Variants in PCSK5 observed in about 807,000 individuals in gnomAD.
PCSK5 encodes prohormone convertase 5.
PCSK5 carries 129 observed loss-of-function variants against 233.2 expected under a neutral mutation model. The ratio of observed to expected loss-of-function variants is 0.55; its 90% CI spans 0.48 to 0.64. The LOEUF is 0.64. Among genes scored for constraint, PCSK5 ranks in the 30% least tolerant of loss-of-function variants. The probability of loss-of-function intolerance (pLI) is 0.00; values close to 1 mark genes in which losing one functional copy is unlikely to be tolerated. For synonymous variants in PCSK5, 825 were observed against 879.2 expected (o/e 0.94, Z 1.09); for missense variants, 2,076 against 2,430.1 (o/e 0.85, Z 3.06).
chr9:76,203,979 C>T (rs1465633231), intron 20 of PCSK5, among the ~76,000 whole-genome samples: 1 of 152,096 alleles, frequency 6.6e-6, no homozygotes, highest in African/African-American at 2.4e-5. Flanking sequence ...GATGGTAATC[C>T]TACCTCTCTT....
intron 24 of PCSK5, among the ~76,000 whole-genome samples, chr9:76,278,547 A>G (rs1827762995): frequency 6.6e-6 from 1 of 151,970 alleles, no homozygotes; most frequent in Non-Finnish European, 1.5e-5. Context: ...CCTTAATAAC[A>G]TTTTTGTTTT....
chr9:76,155,274 A>G (rs1823842600), intron 10 of PCSK5, among the ~76,000 whole-genome samples: 1 of 152,220 alleles, frequency 6.6e-6, no homozygotes, highest in African/African-American at 2.4e-5. Context: ...ATAGATCATA[A>G]CATCCCCAAA....
chr9:76,223,746 G>A (rs1232131339), intron 20 of PCSK5, among the ~76,000 whole-genome samples: 2 of 152,146 alleles, frequency 1.3e-5, no homozygotes, highest in Admixed American at 1.3e-4. Context: ...ACTGGCTCCT[G>A]AAGGCTCTGT....
intron 20 of PCSK5, among the ~76,000 whole-genome samples, chr9:76,215,620 T>C (rs10869735): frequency 0.075 from 11,426 of 152,012 alleles, 491 homozygotes; most frequent in African/African-American, 0.12. Context: ...GGGGTGGGCT[T>C]GATAATAATG....
chr9:76,206,945 G>A (rs572886893), intron 20 of PCSK5, among the ~76,000 whole-genome samples: 2 of 152,246 alleles, frequency 1.3e-5, no homozygotes, highest in South Asian at 4.1e-4. Flanking sequence ...CTACCAGAGG[G>A]TCCAGGGGAG....
intron 24 of PCSK5, among the ~76,000 whole-genome samples, chr9:76,289,204 G>A (rs901386070): frequency 4.6e-5 from 7 of 152,046 alleles, no homozygotes; most frequent in African/African-American, 1.7e-4. Context: ...CCGTCCTGAC[G>A]AGGCATCTGC....
At chr9:76,218,203 T>C (rs1314776488) in intron 20 of PCSK5, among the ~76,000 whole-genome samples, 1 of 152,194 alleles carries the variant, frequency 6.6e-6, no homozygotes, top group African/African-American at 2.4e-5. Flanking sequence ...GGCACAGCCA[T>C]GGCTCTGGAA....
rs180753095 is a variant in PCSK5, at chr9:76,005,441, A to G, written c.412-18297A>G. Among the ~76,000 whole-genome samples the G allele has an allele frequency of 3.3e-3, 499 of 152,360 alleles. 3 individuals are homozygous for G. Among genetic ancestry groups the G allele is most frequent in the Non-Finnish European group, 5.3e-3 (363 of 68,032 alleles). ...TGGTTCAAAGTAAAATACGTAGAAT[A>G]CTATATACACACTTTTTTACGTTTT... On this transcript the variant is annotated intron_variant, in intron 3 of 37. Transcript: ENST00000674117.
intron 3 of PCSK5, among the ~76,000 whole-genome samples, chr9:76,008,323 T>C (rs1204672224): frequency 1.6e-4 from 25 of 152,130 alleles, no homozygotes; most frequent in Admixed American, 1.6e-3. Context: ...TTTCTCTTTG[T>C]TTTATCTTTA....
At chr9:76,209,325 C>T (rs1471192115) in intron 20 of PCSK5, among the ~76,000 whole-genome samples, 3 of 152,208 alleles carry the variant, frequency 2.0e-5, no homozygotes, top group Non-Finnish European at 4.4e-5. Flanking sequence ...CCAGCACTCC[C>T]TGATTTGCTT....
intron 24 of PCSK5, among the ~76,000 whole-genome samples, chr9:76,256,477 G>A (rs761365319): frequency 6.6e-5 from 10 of 152,318 alleles, no homozygotes; most frequent in Non-Finnish European, 1.3e-4. Flanking sequence ...TGCCAGTCTC[G>A]AAAGCAATGT....
At chr9:75,892,621 C>T (rs1359971293) in intron 1 of PCSK5, among the ~76,000 whole-genome samples, 1 of 152,170 alleles carries the variant, frequency 6.6e-6, no homozygotes, top group Admixed American at 6.5e-5. Context: ...AGAGTACGGA[C>T]AGTTTCTGAG....
intron 10 of PCSK5, among the ~76,000 whole-genome samples, chr9:76,141,500 AAAG>A (rs1345897748): frequency 1.3e-5 from 2 of 152,138 alleles, no homozygotes; most frequent in African/African-American, 4.8e-5. Context: ...ATACAATAAA[AAAG>A]CACATTATTT....
At chr9:76,207,120 T>C (rs897573067) in intron 20 of PCSK5, among the ~76,000 whole-genome samples, 9 of 152,168 alleles carry the variant, frequency 5.9e-5, no homozygotes, top group African/African-American at 2.2e-4. Context: ...CTCCTTCTGT[T>C]TTCCTCTTCT....
intron 5 of PCSK5, among the ~76,000 whole-genome samples, chr9:76,029,562 A>G: frequency 6.6e-6 from 1 of 152,112 alleles, no homozygotes; most frequent in East Asian, 1.9e-4. Context: ...AAGAATAATT[A>G]TTTTTTACGT....
At chr9:76,107,963 C>T (rs1319269116) in intron 9 of PCSK5, among the ~76,000 whole-genome samples, 2 of 152,284 alleles carry the variant, frequency 1.3e-5, no homozygotes, top group Admixed American at 1.3e-4. Context: ...CCTAATAATA[C>T]AGATCTAATA....
At chr9:76,193,450 CCTCT>C (rs1385278131) in intron 20 of PCSK5, 7 of 868,782 alleles carry the variant, frequency 8.1e-6, no homozygotes, top group Non-Finnish European at 8.2e-6. Flanking sequence ...AAGCAAGCCA[CCTCT>C]CTCTTTCTTT....
At chr9:76,179,566 C>T (rs866979730) in intron 14 of PCSK5, 30 bp from the exon 15 acceptor site, 2 of 1,521,536 alleles carry the variant, frequency 1.3e-6, no homozygotes, top group Admixed American at 1.7e-5. Context: ...AATCATTTTT[C>T]CAAGTATTGT....
At chr9:76,303,403 A>G (rs1227309163) in intron 28 of PCSK5, among the ~76,000 whole-genome samples, 1 of 152,178 alleles carries the variant, frequency 6.6e-6, no homozygotes, top group Non-Finnish European at 1.5e-5. Context: ...CGTGAGATAC[A>G]TGTAATTATA....
Sources: gnomAD v4.1 joint callset for allele counts (sites outside exome capture counted in the v4.1 genomes callset) on GRCh38, gnomAD v4.1.1 for gene constraint, MANE v1.5 for transcripts, NCBI Gene and HGNC (gene_info 2026-07-23, HGNC 2026-07-21) for gene names.